METAP2: variants seen among roughly 807,000 people sequenced by gnomAD.
METAP2 encodes methionyl aminopeptidase 2.
Under a neutral mutation model 59.4 loss-of-function variants are expected in METAP2, and 25 were observed. The ratio of observed to expected loss-of-function variants is 0.42; its 90% CI spans 0.31 to 0.59. METAP2 has a LOEUF of 0.59. METAP2 is among the 20% of genes least tolerant of loss of function. The pLI, the probability that METAP2 is intolerant of heterozygous loss-of-function variation, is 0.16. For missense variants in METAP2, 366 were observed against 581.2 expected (o/e 0.63, Z 3.81); for synonymous variants, 214 against 194.1 (o/e 1.10, Z -0.85).
In METAP2 at chr12:95,485,960, A is replaced by C; in HGVS notation, c.407A>C (p.Glu136Ala). The C allele has an allele frequency of 6.3e-7, 1 of 1,586,852 alleles. No homozygotes were observed. ...GTATTTCCCAAAGGACAAGAATGCG[A>C]ATACCCACCCACACAAGATGGGTAA... ...NGVFPKGQECEYPPTQDGRTA... is the reference protein window; with the variant it reads ...NGVFPKGQECAYPPTQDGRTA... The change falls in exon 4 of 11, where the codon GAA (glutamate) becomes GCA (alanine). Residue 136 changes from glutamate to alanine, a missense_variant. Glu to Ala is a moderately radical substitution (Grantham distance 107). This residue lies in a region of METAP2 where 177 missense variants were observed against 180.3 expected (regional missense o/e 0.98). Transcript: ENST00000323666.
chr12:95,489,033 AT>A (rs1308541718), intron 4 of METAP2, among the ~76,000 whole-genome samples: 2 of 151,936 alleles, frequency 1.3e-5, no homozygotes, highest in Non-Finnish European at 2.9e-5. Context: ...ATTCAATTTT[AT>A]TTTTTCCAGG....
intron 4 of METAP2, among the ~76,000 whole-genome samples, chr12:95,487,186 T>C (rs972855254): frequency 1.3e-5 from 2 of 152,226 alleles, no homozygotes; most frequent in African/African-American, 4.8e-5. Context: ...CCACAATATT[T>C]ATAATACCAT....
chr12:95,476,539 A>AGAGAGAGAG (rs773224806), intron 2 of METAP2, among the ~76,000 whole-genome samples: 39 of 148,584 alleles, frequency 2.6e-4, no homozygotes, highest in African/African-American at 5.5e-4. Context: ...AGAAAGAAAG[A>AGAGAGAGAG]AAAGCTAGAA....
At chr12:95,511,467 C>T (rs865915518) in intron 8 of METAP2, among the ~76,000 whole-genome samples, 8 of 140,878 alleles carry the variant, frequency 5.7e-5, no homozygotes, top group African/African-American at 1.3e-4. Flanking sequence ...TCTTGGCTCA[C>T]GGCAACCTCC....
chr12:95,501,214 T>TA (rs781082293), intron 7 of METAP2, among the ~76,000 whole-genome samples: 19 of 152,054 alleles, frequency 1.2e-4, no homozygotes, highest in Non-Finnish European at 1.9e-4. Context: ...TTTTTGTAGA[T>TA]ACAGGGTCTT....
chr12:95,504,044 C>T (rs1031940044), intron 7 of METAP2, 21 bp from the exon 8 acceptor site: 1 of 1,576,878 alleles, frequency 6.3e-7, no homozygotes, highest in East Asian at 2.2e-5. Context: ...AATAATAAAG[C>T]ATATGTTACT....
Position 95,474,334 on chromosome 12 carries a change from AAG to A in METAP2, c.151+9_151+10del. 1 of 1,613,582 alleles carries A rather than the reference AAG, an allele frequency of 6.2e-7. No individual in the cohort carries two copies. Among genetic ancestry groups the A allele is most frequent in the Non-Finnish European group, 8.5e-7 (1 of 1,179,808 alleles). ...AAGAGCAAAGGGCCTTCTGCAGGTA[AAG>A]AGAGTTTTATGTTTTCCCAGTCCCC... is the stretch of plus-strand genomic sequence containing the variant. On this transcript the variant is annotated splice_donor_5th_base_variant and intron_variant, in intron 1 of 10. Transcript: ENST00000323666.
chr12:95,494,451 C>G (rs1288814474), intron 5 of METAP2, among the ~76,000 whole-genome samples: 16 of 152,130 alleles, frequency 1.1e-4, no homozygotes, highest in Non-Finnish European at 1.6e-4. Context: ...TTGTTATTTT[C>G]TATCTGGAAA....
chr12:95,482,264 A>AC (rs1555190292), intron 2 of METAP2: 1 of 401,302 alleles, frequency 2.5e-6, no homozygotes, highest in Non-Finnish European at 5.0e-6. Context: ...GGCGCATACC[A>AC]CCACACCTGG....
chr12:95,496,243 T>C, intron 7 of METAP2, 145 bp downstream of exon 7: 1 of 530,600 alleles, frequency 1.9e-6, no homozygotes, highest in Non-Finnish European at 3.3e-6. Context: ...ATTTCCCTTA[T>C]GGTTTTAAGC....
intron 9 of METAP2, among the ~76,000 whole-genome samples, chr12:95,512,293 A>G (rs778618000): frequency 1.3e-5 from 2 of 152,150 alleles, no homozygotes; most frequent in Non-Finnish European, 2.9e-5. Context: ...CTGTGAACAT[A>G]ATTCATAGGG....
At chr12:95,481,027 G>A (rs879417099) in intron 2 of METAP2, among the ~76,000 whole-genome samples, 1 of 152,196 alleles carries the variant, frequency 6.6e-6, no homozygotes, top group African/African-American at 2.4e-5. Flanking sequence ...TTTCTAGATA[G>A]TGCAAGGCAG....
At chr12:95,490,479 T>G (rs932480454) in intron 4 of METAP2, among the ~76,000 whole-genome samples, 4 of 151,838 alleles carry the variant, frequency 2.6e-5, no homozygotes, top group Non-Finnish European at 5.9e-5. Context: ...TTTTTTCCTC[T>G]TGTAATTATT....
intron 2 of METAP2, among the ~76,000 whole-genome samples, chr12:95,481,863 A>G (rs188256529): frequency 6.6e-6 from 1 of 152,354 alleles, no homozygotes; most frequent in Non-Finnish European, 1.5e-5. Flanking sequence ...TAAAACAAAT[A>G]CTTCAAGATT....
intron 3 of METAP2, 172 bp downstream of exon 3, chr12:95,483,452 GGCAACAGAGTGA>G (rs1314540929): frequency 3.8e-5 from 15 of 390,968 alleles, no homozygotes; most frequent in Non-Finnish European, 6.9e-5. Flanking sequence ...CTGCAGCCTG[GGCAACAGAGTGA>G]GACTCTGTCT....
At chr12:95,489,773 G>A (rs1241339937) in intron 4 of METAP2, among the ~76,000 whole-genome samples, 2 of 152,154 alleles carry the variant, frequency 1.3e-5, no homozygotes, top group Non-Finnish European at 2.9e-5. Context: ...GGGAGGCGGA[G>A]GTTGCGGTGA....
chr12:95,484,501 A>G (rs895665243), intron 3 of METAP2, among the ~76,000 whole-genome samples: 1 of 152,094 alleles, frequency 6.6e-6, no homozygotes, highest in Non-Finnish European at 1.5e-5. Context: ...TTAAAAAAAA[A>G]AAAAAGATAA....
intron 4 of METAP2, among the ~76,000 whole-genome samples, chr12:95,486,276 A>G (rs1465929948): frequency 1.4e-5 from 2 of 138,174 alleles, no homozygotes; most frequent in African/African-American, 2.8e-5. Flanking sequence ...ATGGTTTAGT[A>G]CTTTTCCCCC....
chr12:95,485,384 A>T (rs1344664647), intron 3 of METAP2, among the ~76,000 whole-genome samples: 1 of 152,170 alleles, frequency 6.6e-6, no homozygotes, highest in Non-Finnish European at 1.5e-5. Flanking sequence ...TTGGAGTGAT[A>T]AATACTTTGA....
Sources: allele counts gnomAD v4.1 joint callset (sites outside exome capture counted in the v4.1 genomes callset), GRCh38; gene constraint gnomAD v4.1.1; regional missense constraint gnomAD v4.1.1; transcripts MANE v1.5; gene names NCBI Gene and HGNC (gene_info 2026-07-23, HGNC 2026-07-21).